Variants in RHCE observed in about 807,000 individuals in gnomAD.
RHCE encodes the protein blood group Rh(CE) polypeptide.
RHCE carries 22 observed loss-of-function variants against 43.8 expected under a neutral mutation model. The observed-to-expected ratio is 0.50, with a 90% confidence interval of 0.36 to 0.72. The LOEUF is 0.72. Among genes scored for constraint, RHCE ranks in the 30% least tolerant of loss-of-function variants. The probability of loss-of-function intolerance (pLI) is 0.00; values close to 1 mark genes in which losing one functional copy is unlikely to be tolerated. For synonymous variants in RHCE, 156 were observed against 210.7 expected, an observed-to-expected ratio of 0.74 and a Z score of 2.25; for missense variants, 385 against 525.4, an observed-to-expected ratio of 0.73 and a Z score of 2.61.
At chr1:25,419,880 T>C (rs1324611098) in intron 1 of RHCE, 10 of 140,920 alleles carry the variant, frequency 7.1e-5, no homozygotes, top group Non-Finnish European at 1.2e-4. Context: ...AAAACTAGTA[T>C]AGATATGAGC....
At chr1:25,423,437 A>G (rs937544709), upstream of RHCE, among the ~76,000 whole-genome samples, 1 of 152,244 alleles carries the variant, frequency 6.6e-6, no homozygotes, top group Non-Finnish European at 1.5e-5. Context: ...GCTGGCAAAC[A>G]GCGTGGGTGG....
intron 3 of RHCE, among the ~76,000 whole-genome samples, chr1:25,399,499 C>T (rs567260512): frequency 6.6e-6 from 1 of 152,234 alleles, no homozygotes; most frequent in South Asian, 2.1e-4. Flanking sequence ...TTTAATTTCT[C>T]AATCTCTTAA....
intron 3 of RHCE, among the ~76,000 whole-genome samples, chr1:25,402,198 G>GTCTATCTATCTA (rs1391378741): frequency 7.4e-6 from 1 of 135,924 alleles, no homozygotes; most frequent in African/African-American, 2.7e-5. Flanking sequence ...CTGTCTGTCT[G>GTCTATCTATCTA]TCTGTCTGTC....
upstream of RHCE, among the ~76,000 whole-genome samples, chr1:25,422,381 C>G (rs1270677275): frequency 6.6e-6 from 1 of 151,994 alleles, no homozygotes; most frequent in African/African-American, 2.4e-5. Flanking sequence ...CAATATATTC[C>G]CACTCTTATA....
chr1:25,370,355 C>T, intron 9 of RHCE, 112 bp downstream of exon 9: 2 of 851,316 alleles, frequency 2.3e-6, no homozygotes, highest in Non-Finnish European at 4.0e-6. Context: ...ATGCTCCTTA[C>T]TCCATTTTTG....
rs1179029237 is a variant in RHCE at position 25,408,004 on chromosome 1, C to G, written c.335+679G>C. 2.4e-5 allele frequency among the ~76,000 whole-genome samples: 3 copies of G among 123,598 alleles called. 1 individual carries two copies. Among genetic ancestry groups the G allele is most frequent in the Admixed American group, 8.7e-5 (1 of 11,488 alleles). 81.1% of individuals were successfully genotyped at this position (123,598 alleles called of 152,430 possible). ...CCTTTCTTTTCAAGAGAATGTCTCT[C>G]AGGCTGGACGCGGTGGCTCATGCCT... On this transcript the variant is annotated intron_variant, in intron 2 of 9. Coordinates refer to ENST00000294413, the MANE Select transcript of RHCE (RefSeq NM_020485.8).
intron 2 of RHCE, among the ~76,000 whole-genome samples, chr1:25,403,787 C>T (rs1646828766): frequency 1.3e-5 from 2 of 151,638 alleles, no homozygotes; most frequent in Admixed American, 1.3e-4. Context: ...GATGATGATG[C>T]TACAACCACA....
At position 25,402,840 on chromosome 1, in the gene RHCE, G is replaced by A. The variant is rs1377455490; in HGVS notation, c.336-94C>T. The stretch of plus-strand genomic sequence containing the variant: ...TCATTCATTCAACAAACACTGTTGG[G>A]CACCTTACTTTCTGTGGAAATAGAA... On this transcript the variant is annotated intron_variant, in intron 2 of 9. Transcript: ENST00000294413. The A allele has an allele frequency of 4.5e-6, 7 of 1,545,214 alleles. No individual in the cohort carries two copies. In the African/African-American group the frequency reaches 9.5e-5, roughly 21 times the overall value.
At chr1:25,388,313 G>A (rs28672221) in intron 6 of RHCE, among the ~76,000 whole-genome samples, 1,458 of 128,288 alleles carry the variant, frequency 0.011, 33 homozygotes, top group African/African-American at 0.041. Flanking sequence ...GCTGAGTATT[G>A]GAGAAAGATC....
At chr1:25,420,010 C>T (rs572638507) in intron 1 of RHCE, among the ~76,000 whole-genome samples, 1 of 140,170 alleles carries the variant, frequency 7.1e-6, no homozygotes, top group Non-Finnish European at 1.5e-5. Flanking sequence ...AGACCCACAT[C>T]TCTACCAAAA....
chr1:25,425,135 T>C (rs1571936634), upstream of RHCE, among the ~76,000 whole-genome samples: 1 of 152,190 alleles, frequency 6.6e-6, no homozygotes. Flanking sequence ...GTTCATTATC[T>C]GCTTTCCCCT....
chr1:25,411,125 A>G (rs1431380824), intron 1 of RHCE, among the ~76,000 whole-genome samples: 1 of 151,910 alleles, frequency 6.6e-6, no homozygotes, highest in Non-Finnish European at 1.5e-5. Context: ...ATAAAATAAA[A>G]TATCAATTTA....
At chr1:25,386,690 A>T (rs950179170) in intron 6 of RHCE, among the ~76,000 whole-genome samples, 3 of 152,040 alleles carry the variant, frequency 2.0e-5, no homozygotes, top group African/African-American at 7.2e-5. Context: ...GGCGTGGTGG[A>T]GGGCGCCTGT....
intron 6 of RHCE, among the ~76,000 whole-genome samples, chr1:25,387,826 CT>C (rs869107641): frequency 0.01 from 1,509 of 146,038 alleles, 18 homozygotes; most frequent in African/African-American, 0.03. Flanking sequence ...ATATAAAACA[CT>C]TTTTTTTTTT....
rs771897306 is a variant in RHCE, at chr1:25,362,494, T to G, written c.*33A>C. ...CAGTGAGAGGAAGTTGTCTTGTTTT[T>G]GAACAGGCCTTGTTTTTCTTGGATG... On this transcript the variant is annotated 3_prime_UTR_variant, in exon 10 of 10. Coordinates refer to ENST00000294413, the MANE Select transcript of RHCE (RefSeq NM_020485.8). The G allele has an allele frequency of 6.3e-7, 1 of 1,588,934 alleles. No individual in the cohort carries two copies. The highest frequency in any genetic ancestry group is 8.6e-7 in the Non-Finnish European group (1 of 1,166,364).
rs1646029275 is a variant in RHCE, at chr1:25,382,452, T to G, written c.1073+3259A>C. ...TATAGCTTATACTATATAAGTTGGG[T>G]TTTTTTTTTTAAGTAATAAGTGGCA... On this transcript the variant is annotated intron_variant, in intron 7 of 9. Coordinates refer to ENST00000294413, the MANE Select transcript of RHCE (RefSeq NM_020485.8). Among the ~76,000 whole-genome samples the G allele has an allele frequency of 1.4e-5, 2 of 138,976 alleles. 1 individual carries two copies. Among genetic ancestry groups the G allele is most frequent in the African/African-American group, 6.1e-5 (2 of 32,898 alleles). The allele number at this position is 138,976 out of a possible 152,430, so 91.2% of individuals were successfully genotyped here.
At chr1:25,369,043 G>A (rs898342044) in intron 9 of RHCE, among the ~76,000 whole-genome samples, 2 of 151,724 alleles carry the variant, frequency 1.3e-5, no homozygotes, top group African/African-American at 4.9e-5. Flanking sequence ...TTACAGGCGT[G>A]AGCCACCATA....
chr1:25,411,920 C>A (rs1647091994), intron 1 of RHCE, among the ~76,000 whole-genome samples: 1 of 152,194 alleles, frequency 6.6e-6, no homozygotes, highest in African/African-American at 2.4e-5. Context: ...ATGCTATATG[C>A]ATAGGGTCCA....
intron 8 of RHCE, among the ~76,000 whole-genome samples, chr1:25,371,737 C>G (rs1304779763): frequency 6.6e-6 from 1 of 151,476 alleles, no homozygotes; most frequent in African/African-American, 2.4e-5. Context: ...CTTCCCGAAG[C>G]TGGCTGAATT....
Sources: allele counts gnomAD v4.1 joint callset (sites outside exome capture counted in the v4.1 genomes callset), GRCh38; gene constraint gnomAD v4.1.1; transcripts MANE v1.5; gene names NCBI Gene and HGNC (gene_info 2026-07-23, HGNC 2026-07-21).